Variants in TDRP observed in about 807,000 individuals in gnomAD.
TDRP encodes the protein testis development-related protein.
TDRP carries 12 observed loss-of-function variants against 10.5 expected under a neutral mutation model. That is an observed-to-expected ratio of 1.15 (90% confidence interval 0.73 to 1.86). TDRP has a LOEUF of 1.86. Ranked by LOEUF, TDRP falls within the 40% of genes most tolerant of loss-of-function variation. The pLI, the probability that TDRP is intolerant of heterozygous loss-of-function variation, is 0.00. For synonymous variants in TDRP, 139 were observed against 95.4 expected (o/e 1.46, Z -2.67); for missense variants, 353 against 229.2 (o/e 1.54, Z -3.49).
At chr8:507,656 G>A (rs1455697136) in intron 1 of TDRP, among the ~76,000 whole-genome samples, 1 of 152,138 alleles carries the variant, frequency 6.6e-6, no homozygotes, top group Non-Finnish European at 1.5e-5. Flanking sequence ...CACCACTGGG[G>A]GCAGGGTGGA....
intron 1 of TDRP, among the ~76,000 whole-genome samples, chr8:544,043 G>T (rs936218931): frequency 6.6e-6 from 1 of 152,118 alleles, no homozygotes. Context: ...GTCAGGTAAA[G>T]GCCTTTCAGT....
At position 492,133 on chromosome 8, in the gene TDRP, A is replaced by C; in HGVS notation, c.*266T>G. ...CTGCTGTATTATGGGAGAGCATCATAAATTCACATCTCCAGTTTCTGCAAA... is the reference window on the plus strand; with the variant it reads ...CTGCTGTATTATGGGAGAGCATCATCAATTCACATCTCCAGTTTCTGCAAA... On this transcript the variant is annotated 3_prime_UTR_variant, in exon 3 of 3. Transcript: ENST00000324079. 3.2e-6 allele frequency: 4 copies of C among 1,242,458 alleles called. No homozygotes were observed. The highest frequency in any genetic ancestry group is 4.0e-6 in the Non-Finnish European group (4 of 994,244). The allele number at this position is 1,242,458 out of a possible 1,614,324, so 77.0% of individuals were successfully genotyped here. A position where few individuals can be genotyped will look rare whatever the true frequency, so the allele number is the denominator to read the frequency against.
chr8:496,713 C>T (rs891820568), intron 1 of TDRP, among the ~76,000 whole-genome samples: 3 of 152,180 alleles, frequency 2.0e-5, no homozygotes, highest in Non-Finnish European at 4.4e-5. Context: ...AGGTGTGATA[C>T]GGTGTGGCTC....
At position 494,594 on chromosome 8, in the gene TDRP, G is replaced by C. The variant is rs762589847; in HGVS notation, c.112C>G (p.Gln38Glu). 1.2e-6 allele frequency: 2 copies of C among 1,613,496 alleles called. No individual in the cohort carries two copies. The highest frequency in any genetic ancestry group is 1.7e-6 in the Non-Finnish European group (2 of 1,179,658). ...AAAAAAQAQVQGASFRGWKEV... is the reference protein window; with the variant it reads ...AAAAAAQAQVEGASFRGWKEV... ...TTCCAACCTCGGAAACTTGCTCCCT[G>C]AACCTAATAAAAGGTTAAGAAAAAT... Residue 38 changes from glutamine (Q) to glutamate (E), a missense_variant, in exon 2 of 3, where the codon CAG (glutamine) becomes GAG (glutamate). Physicochemically the swap from Gln to Glu is conservative, Grantham distance 29 (BLOSUM62 2). Transcript: ENST00000324079.
rs929942903 is a variant in TDRP, at chr8:491,520, G to A, written c.*879C>T. ...TACAGATCTAACACCAATCACAATA[G>A]GCATCTCGCTTTGCAAGAACAAACA... On this transcript the variant is annotated 3_prime_UTR_variant, in exon 3 of 3. Transcript: ENST00000324079. The A allele has an allele frequency of 8.2e-6, 10 of 1,217,534 alleles. No homozygotes were observed. The Admixed American group carries it at 8.5e-5, about 10-fold the overall frequency. The allele number at this position is 1,217,534 out of a possible 1,614,324, so 75.4% of individuals were successfully genotyped here. A position where few individuals can be genotyped will look rare whatever the true frequency, so the allele number is the denominator to read the frequency against.
intron 1 of TDRP, among the ~76,000 whole-genome samples, chr8:528,350 A>G (rs1156909866): frequency 1.3e-5 from 2 of 152,188 alleles, no homozygotes; most frequent in African/African-American, 4.8e-5. Flanking sequence ...AACAGTTTGG[A>G]GGTTACTCAA....
At chr8:509,046 T>A (rs1801540957) in intron 1 of TDRP, among the ~76,000 whole-genome samples, 2 of 152,226 alleles carry the variant, frequency 1.3e-5, no homozygotes, top group Non-Finnish European at 2.9e-5. Context: ...ACTCCATGTC[T>A]CACACAACCA....
At chr8:496,618 C>G (rs1801143195) in intron 1 of TDRP, among the ~76,000 whole-genome samples, 1 of 152,220 alleles carries the variant, frequency 6.6e-6, no homozygotes, top group South Asian at 2.1e-4. Flanking sequence ...TGCCTCACCC[C>G]TCCATGGACT....
At chr8:530,326 G>C (rs1802156809) in intron 1 of TDRP, among the ~76,000 whole-genome samples, 1 of 152,072 alleles carries the variant, frequency 6.6e-6, no homozygotes. Context: ...TTCTTTGTCA[G>C]ATAATTCATT....
intron 1 of TDRP, among the ~76,000 whole-genome samples, chr8:499,709 C>A (rs558215594): frequency 6.6e-6 from 1 of 152,232 alleles, no homozygotes; most frequent in African/African-American, 2.4e-5. Flanking sequence ...CCAGATATCT[C>A]GGTCTTCACC....
intron 1 of TDRP, among the ~76,000 whole-genome samples, chr8:535,917 G>C (rs920874905): frequency 2.0e-5 from 3 of 152,052 alleles, no homozygotes; most frequent in Non-Finnish European, 2.9e-5. Context: ...TCCACATTCA[G>C]TGACGTTCAG....
chr8:501,884 G>A (rs1801312836), intron 1 of TDRP, among the ~76,000 whole-genome samples: 1 of 152,182 alleles, frequency 6.6e-6, no homozygotes. Context: ...AGGGGAACAT[G>A]GAAGGAGCTG....
chr8:533,795 A>G (rs1802272695), intron 1 of TDRP, among the ~76,000 whole-genome samples: 1 of 152,186 alleles, frequency 6.6e-6, no homozygotes, highest in Non-Finnish European at 1.5e-5. Flanking sequence ...TATAAAGTAT[A>G]GGGTAGGCAG....
intron 1 of TDRP, among the ~76,000 whole-genome samples, chr8:508,337 C>T (rs1801521065): frequency 6.6e-6 from 1 of 152,200 alleles, no homozygotes; most frequent in African/African-American, 2.4e-5. Context: ...TTCATTTTCA[C>T]ATTGCTATAA....
intron 1 of TDRP, among the ~76,000 whole-genome samples, chr8:526,439 T>C (rs1313669898): frequency 1.3e-5 from 2 of 152,202 alleles, no homozygotes; most frequent in Non-Finnish European, 2.9e-5. Flanking sequence ...TTGAATTTTA[T>C]CAAGTGCTTT....
At chr8:502,167 A>T (rs1284460600) in intron 1 of TDRP, among the ~76,000 whole-genome samples, 2 of 152,256 alleles carry the variant, frequency 1.3e-5, no homozygotes, top group African/African-American at 4.8e-5. Context: ...TACGTACAAC[A>T]AAAAGGCACA....
At chr8:528,695 G>A (rs1233485021) in intron 1 of TDRP, among the ~76,000 whole-genome samples, 3 of 152,144 alleles carry the variant, frequency 2.0e-5, no homozygotes, top group Non-Finnish European at 2.9e-5. Flanking sequence ...TTACTCCGAT[G>A]TGATTATTAT....
intron 1 of TDRP, among the ~76,000 whole-genome samples, chr8:523,837 C>G (rs2116830664): frequency 6.6e-6 from 1 of 152,296 alleles, no homozygotes; most frequent in Middle Eastern, 3.4e-3. Context: ...GGCTCCTGGA[C>G]AGCATCCCTA....
intron 1 of TDRP, among the ~76,000 whole-genome samples, chr8:518,878 T>C (rs1269031629): frequency 6.6e-6 from 1 of 152,190 alleles, no homozygotes; most frequent in Non-Finnish European, 1.5e-5. Context: ...AAACTCAATG[T>C]TTAGTCTTTA....
Sources: gnomAD v4.1 joint callset for allele counts (sites outside exome capture counted in the v4.1 genomes callset) on GRCh38, gnomAD v4.1.1 for gene constraint, MANE v1.5 for transcripts, NCBI Gene and HGNC (gene_info 2026-07-23, HGNC 2026-07-21) for gene names.